Variants in ADARB2 observed in about 807,000 individuals in gnomAD.
The protein encoded by ADARB2 is adenosine deaminase RNA specific B2 (inactive).
ADARB2 carries 25 observed loss-of-function variants against 62.2 expected under a neutral mutation model. The ratio of observed to expected loss-of-function variants is 0.40; its 90% confidence interval spans 0.29 to 0.56. ADARB2 has a LOEUF of 0.56. Ranked by LOEUF, ADARB2 falls within the 20% of genes least tolerant of loss-of-function variation. The pLI, the probability that ADARB2 is intolerant of heterozygous loss-of-function variation, is 0.43. For synonymous variants in ADARB2, 572 were observed against 500.8 expected, an observed-to-expected ratio of 1.14 and a Z score of -1.90; for missense variants, 1,071 against 1,077.4, an observed-to-expected ratio of 0.99 and a Z score of 0.08.
Position 1,242,196 on chromosome 10 carries a change from G to A in ADARB2, c.1296C>T (p.His432=), listed in dbSNP as rs756034483. 1.0e-4 allele frequency: 162 copies of A among 1,610,198 alleles called. No homozygotes were observed. Among genetic ancestry groups the A allele is most frequent in the Non-Finnish European group, 1.3e-4 (150 of 1,179,250 alleles). ...ACGCCCGCCGGGCCACGACCTCCGC[G>A]TGGCAGTCATTCACCACCAGCCCCT... ...SDQGLVVNDC[H]AEVVARRAFL... is the part of the protein sequence containing the mutation. The change falls in exon 5 of 10, where the codon CAC becomes CAT. Residue 432 remains histidine, a synonymous_variant. Transcript: ENST00000381312.
intron 1 of ADARB2, among the ~76,000 whole-genome samples, chr10:1,625,727 C>T (rs1438190376): frequency 6.6e-6 from 1 of 152,112 alleles, no homozygotes; most frequent in East Asian, 1.9e-4. Flanking sequence ...ACAGATCCAG[C>T]CCGTGGGACC....
At chr10:1,660,701 T>C (rs372655102) in intron 1 of ADARB2, among the ~76,000 whole-genome samples, 1 of 152,172 alleles carries the variant, frequency 6.6e-6, no homozygotes, top group African/African-American at 2.4e-5. Context: ...GGGGTATCCA[T>C]GGACACCTGC....
intron 1 of ADARB2, among the ~76,000 whole-genome samples, chr10:1,530,079 G>C (rs1832209077): frequency 6.6e-6 from 1 of 152,036 alleles, no homozygotes; most frequent in Non-Finnish European, 1.5e-5. Flanking sequence ...TGCCAGTGCT[G>C]GTACCTGTCC....
At chr10:1,315,144 G>T (rs1489781383) in intron 3 of ADARB2, among the ~76,000 whole-genome samples, 1 of 152,142 alleles carries the variant, frequency 6.6e-6, no homozygotes, top group African/African-American at 2.4e-5. Flanking sequence ...GGGAGGCCAG[G>T]GATGATTTGA....
rs528831920 is a variant in ADARB2 at position 1,704,638 on chromosome 10, C to T, written c.100+32413G>A. On this transcript the variant is annotated intron_variant, in intron 1 of 9. Coordinates refer to ENST00000381312, the MANE Select transcript of ADARB2 (RefSeq NM_018702.4). The surrounding 1 kb of genome is among the most constrained non-coding windows in gnomAD (Gnocchi z 5.6). ...CAGTCCTTGGCCCGGGGGCTGGAGA[C>T]GTCTGAGTTAAAGCATCTAACTCTG... 1.3e-4 allele frequency among the ~76,000 whole-genome samples: 20 copies of T among 152,212 alleles called. 1 individual carries two copies. Among genetic ancestry groups the T allele is most frequent in the South Asian group, 6.2e-4 (3 of 4,822 alleles).
intron 7 of ADARB2, among the ~76,000 whole-genome samples, chr10:1,209,405 A>AC (rs1382670925): frequency 9.2e-5 from 9 of 98,194 alleles, no homozygotes; most frequent in Non-Finnish European, 6.0e-5. Context: ...CCACACTATC[A>AC]CCTACAGCAA....
intron 1 of ADARB2, among the ~76,000 whole-genome samples, chr10:1,631,425 C>T (rs1833842691): frequency 6.6e-6 from 1 of 152,204 alleles, no homozygotes; most frequent in Admixed American, 6.5e-5. Context: ...GGCTCGGGCT[C>T]AGGGCCAGCT....
intron 3 of ADARB2, among the ~76,000 whole-genome samples, chr10:1,288,696 G>C (rs1247714325): frequency 6.6e-6 from 1 of 152,170 alleles, no homozygotes; most frequent in Non-Finnish European, 1.5e-5. Flanking sequence ...TAGATGAATT[G>C]GGGTAGGAGA....
intron 1 of ADARB2, among the ~76,000 whole-genome samples, chr10:1,429,761 C>A (rs1473102238): frequency 6.6e-6 from 1 of 152,214 alleles, no homozygotes; most frequent in African/African-American, 2.4e-5. Context: ...AGGAATCCTG[C>A]TAAAGATTAG....
Position 1,270,930 on chromosome 10 carries a change from C to T in ADARB2, c.1192+25G>A, listed in dbSNP as rs561796804. The T allele has an allele frequency of 3.1e-6, 5 of 1,601,084 alleles. No individual in the cohort carries two copies. The East Asian group carries it at 8.9e-5, about 29-fold the overall frequency. ...CTCCTTTCTTTAGAGATGAAAATGC[C>T]CACAGGAAAAGAGGAGGTGGCTACC... On this transcript the variant is annotated intron_variant, in intron 4 of 9. Transcript: ENST00000381312.
At chr10:1,585,191 G>A (rs554176013) in intron 1 of ADARB2, among the ~76,000 whole-genome samples, 3 of 152,058 alleles carry the variant, frequency 2.0e-5, no homozygotes, top group South Asian at 2.1e-4. Flanking sequence ...TGCGGACAGT[G>A]GGGGAGGCTG....
chr10:1,241,084 C>T (rs1830916071), intron 5 of ADARB2, among the ~76,000 whole-genome samples: 1 of 152,100 alleles, frequency 6.6e-6, no homozygotes, highest in Admixed American at 6.6e-5. Context: ...CGTGATGAAA[C>T]CCCGTCTCTA....
At chr10:1,189,273 CA>C (rs1836805541) in intron 8 of ADARB2, among the ~76,000 whole-genome samples, 1 of 152,026 alleles carries the variant, frequency 6.6e-6, no homozygotes, top group Non-Finnish European at 1.5e-5. Flanking sequence ...AATTTTCCAC[CA>C]GTTTCCCAGG....
chr10:1,510,567 A>G (rs537185757), intron 1 of ADARB2, among the ~76,000 whole-genome samples: 1 of 152,314 alleles, frequency 6.6e-6, no homozygotes, highest in African/African-American at 2.4e-5. Flanking sequence ...AAAATTTGAA[A>G]GGTGTCTTAA....
intron 1 of ADARB2, among the ~76,000 whole-genome samples, chr10:1,418,335 G>A (rs1470949739): frequency 6.6e-6 from 1 of 152,306 alleles, no homozygotes; most frequent in Non-Finnish European, 1.5e-5. Context: ...ATGCAGCGGG[G>A]ACCTGCCCTG....
rs547492071 is a variant in ADARB2 at position 1,676,921 on chromosome 10, AG to A, written c.100+60129del. Among the ~76,000 whole-genome samples the A allele has an allele frequency of 3.8e-3, 584 of 152,240 alleles. 13 individuals carry two copies. The highest frequency in any genetic ancestry group is 3.3e-3 in the East Asian group (17 of 5,172). Reference sequence around the variant, plus strand: ...GACCTCATGGGTCACTGTGGAGTGGAGGGCCCACACATTTCTTCAGCACCAA... The same window carrying A: ...GACCTCATGGGTCACTGTGGAGTGGAGGCCCACACATTTCTTCAGCACCAA... On this transcript the variant is annotated intron_variant, in intron 1 of 9. Transcript: ENST00000381312.
At chr10:1,735,945 C>A (rs976916403) in intron 1 of ADARB2, among the ~76,000 whole-genome samples, 4 of 152,180 alleles carry the variant, frequency 2.6e-5, no homozygotes, top group Non-Finnish European at 2.9e-5. Flanking sequence ...TTATCTTAGG[C>A]CAATGCAAAG....
intron 2 of ADARB2, among the ~76,000 whole-genome samples, chr10:1,369,990 G>T (rs1381449682): frequency 6.6e-6 from 1 of 152,186 alleles, no homozygotes; most frequent in Admixed American, 6.5e-5. Context: ...CCTACCACAT[G>T]GGCCTTGTTA....
chr10:1,203,956 G>A (rs530444079), intron 7 of ADARB2, among the ~76,000 whole-genome samples: 1 of 152,292 alleles, frequency 6.6e-6, no homozygotes, highest in South Asian at 2.1e-4. Context: ...CAAGTTCTAA[G>A]GAGGCTCCAG....
Sources: gnomAD v4.1 joint callset for allele counts (sites outside exome capture counted in the v4.1 genomes callset) on GRCh38, gnomAD v4.1.1 for gene constraint, Gnocchi (gnomAD v3.1) non-coding constraint, MANE v1.5 for transcripts, NCBI Gene and HGNC (gene_info 2026-07-23, HGNC 2026-07-21) for gene names.